The following PTPRD variants were observed in gnomAD, a reference collection of about 807,000 sequenced individuals.
PTPRD encodes the protein protein tyrosine phosphatase receptor type D, also known as receptor-type tyrosine-protein phosphatase delta.
PTPRD carries 34 observed loss-of-function variants against 214.5 expected under a neutral mutation model. That is an observed-to-expected ratio of 0.16 (90% CI 0.12 to 0.21). The LOEUF is 0.21. PTPRD is among the 10% of genes least tolerant of loss of function. The pLI is 1.00. For synonymous variants in PTPRD, 1,128 were observed against 845.7 expected, an observed-to-expected ratio of 1.33 and a Z score of -5.79; for missense variants, 2,545 against 2,398.7, an observed-to-expected ratio of 1.06 and a Z score of -1.27.
chr9:8,698,772 T>A (rs757882383), intron 12 of PTPRD, among the ~76,000 whole-genome samples: 1 of 152,174 alleles, frequency 6.6e-6, no homozygotes, highest in African/African-American at 2.4e-5. Context: ...ACTAGATAGC[T>A]TGTTACCAAT....
At chr9:10,483,942 A>T (rs1450258923) in intron 2 of PTPRD, among the ~76,000 whole-genome samples, 1 of 152,162 alleles carries the variant, frequency 6.6e-6, no homozygotes, top group African/African-American at 2.4e-5. Flanking sequence ...TCCAAAGGGA[A>T]TTAAATCATC....
chr9:8,455,212 T>G (rs2096141040), intron 33 of PTPRD, among the ~76,000 whole-genome samples: 1 of 152,206 alleles, frequency 6.6e-6, no homozygotes, highest in Admixed American at 6.5e-5. Flanking sequence ...CATCTTCAGT[T>G]TAGGAAAATA....
At chr9:8,400,953 C>T (rs887850199) in intron 36 of PTPRD, among the ~76,000 whole-genome samples, 3 of 152,116 alleles carry the variant, frequency 2.0e-5, no homozygotes, top group South Asian at 2.1e-4. Context: ...TCAAGGTCAC[C>T]TAGCTAGTTA....
chr9:9,800,306 T>C (rs2099030689), intron 5 of PTPRD, among the ~76,000 whole-genome samples: 1 of 152,080 alleles, frequency 6.6e-6, no homozygotes, highest in South Asian at 2.1e-4. Context: ...CTGTGCTCCA[T>C]CCTGGGGACA....
At chr9:9,438,819 T>C (rs1196370004) in intron 8 of PTPRD, among the ~76,000 whole-genome samples, 14 of 152,312 alleles carry the variant, frequency 9.2e-5, no homozygotes, top group Non-Finnish European at 1.0e-4. Flanking sequence ...TTTCAAAGTA[T>C]AAATGCAATA....
rs900442008 is a variant in PTPRD at position 9,716,218 on chromosome 9, G to T, written c.-287+18315C>A. Among the ~76,000 whole-genome samples the T allele has an allele frequency of 2.0e-5, 3 of 152,296 alleles. No homozygotes were observed. The East Asian group carries it at 5.8e-4, about 29-fold the overall frequency. On this transcript the variant is annotated intron_variant, in intron 7 of 45. Transcript: ENST00000381196. ...TTATGGCTGCATAGTATTCCATGGT[G>T]TATATGTGCCACATTTTTTTAATTC...
intron 5 of PTPRD, among the ~76,000 whole-genome samples, chr9:9,840,130 C>G (rs200510858): frequency 2.6e-5 from 4 of 151,886 alleles, no homozygotes; most frequent in Admixed American, 1.3e-4. Flanking sequence ...TTCCACCTCC[C>G]GGGTTCAAGT....
intron 14 of PTPRD, among the ~76,000 whole-genome samples, chr9:8,580,825 C>A (rs944018332): frequency 6.6e-6 from 1 of 152,116 alleles, no homozygotes; most frequent in Non-Finnish European, 1.5e-5. Context: ...AATGTGGATA[C>A]AATTTTTCGC....
chr9:9,061,357 C>G (rs1310475110), intron 10 of PTPRD, among the ~76,000 whole-genome samples: 5 of 152,166 alleles, frequency 3.3e-5, no homozygotes, highest in Admixed American at 6.5e-5. Flanking sequence ...CAATGACTAA[C>G]CTTTCATGGA....
Position 10,542,785 on chromosome 9 carries a change from C to A in PTPRD, c.-600+69613G>T, listed in dbSNP as rs530480929. 2.6e-5 allele frequency among the ~76,000 whole-genome samples: 4 copies of A among 152,232 alleles called. No homozygotes were observed. The East Asian group carries it at 7.7e-4, about 29-fold the overall frequency. On this transcript the variant is annotated intron_variant, in intron 2 of 45. Transcript: ENST00000381196. ...CCAGGCTGGAGTGCAATGGTGTGAT[C>A]TTGGCTCACCACAACCTCCGCCTCC...
intron 8 of PTPRD, among the ~76,000 whole-genome samples, chr9:9,499,177 G>T (rs544777976): frequency 6.6e-6 from 1 of 152,092 alleles, no homozygotes; most frequent in African/African-American, 2.4e-5. Flanking sequence ...CATTCAGATA[G>T]TAGAATATAT....
At chr9:8,770,024 T>C (rs1369581620) in intron 11 of PTPRD, among the ~76,000 whole-genome samples, 1 of 152,174 alleles carries the variant, frequency 6.6e-6, no homozygotes, top group Non-Finnish European at 1.5e-5. Context: ...CTCATGCCTG[T>C]AATCCCAGCA....
At chr9:8,420,782 T>C (rs1296320333) in intron 35 of PTPRD, among the ~76,000 whole-genome samples, 2 of 151,376 alleles carry the variant, frequency 1.3e-5, no homozygotes, top group East Asian at 3.9e-4. Flanking sequence ...CTTTGAGACA[T>C]GAATACTACA....
intron 3 of PTPRD, among the ~76,000 whole-genome samples, chr9:10,155,645 T>C (rs543536398): frequency 2.3e-4 from 35 of 152,300 alleles, no homozygotes; most frequent in African/African-American, 7.7e-4. Flanking sequence ...TTGAGAGTTT[T>C]TAACATGAAG....
At chr9:10,583,304 G>C (rs1056937376) in intron 2 of PTPRD, among the ~76,000 whole-genome samples, 1 of 151,946 alleles carries the variant, frequency 6.6e-6, no homozygotes, top group Non-Finnish European at 1.5e-5. Flanking sequence ...CATGTGAGAT[G>C]GTATGCTTTT....
intron 6 of PTPRD, among the ~76,000 whole-genome samples, chr9:9,761,430 G>T (rs2098655553): frequency 6.6e-6 from 1 of 152,124 alleles, no homozygotes; most frequent in African/African-American, 2.4e-5. Flanking sequence ...TTATAAAAAG[G>T]CAACCTGTCA....
At chr9:8,941,833 T>C (rs1015668355) in intron 11 of PTPRD, among the ~76,000 whole-genome samples, 4 of 152,104 alleles carry the variant, frequency 2.6e-5, no homozygotes, top group Admixed American at 2.6e-4. Flanking sequence ...GAGATGGAGT[T>C]ACACTCTTTT....
At chr9:9,355,020 G>A (rs1196445664) in intron 9 of PTPRD, among the ~76,000 whole-genome samples, 3 of 151,672 alleles carry the variant, frequency 2.0e-5, no homozygotes, top group Middle Eastern at 3.2e-3. Flanking sequence ...TGTAGAGTAT[G>A]GATGAAGTTG....
At chr9:10,068,384 T>C (rs1590200245) in intron 3 of PTPRD, among the ~76,000 whole-genome samples, 1 of 151,920 alleles carries the variant, frequency 6.6e-6, no homozygotes, top group South Asian at 2.1e-4. Context: ...TCCTGAAGTA[T>C]TTTATATATA....
Sources: gnomAD v4.1 joint callset for allele counts (sites outside exome capture counted in the v4.1 genomes callset) on GRCh38, gnomAD v4.1.1 for gene constraint, MANE v1.5 for transcripts, NCBI Gene and HGNC (gene_info 2026-07-23, HGNC 2026-07-21) for gene names.